The following DAB1 variants were observed in gnomAD, a reference collection of about 807,000 sequenced individuals.
The protein encoded by DAB1 is disabled homolog 1.
In DAB1, 15 loss-of-function variants were observed where a neutral mutation model predicts 64.6. The ratio of observed to expected loss-of-function variants is 0.23; its 90% CI spans 0.16 to 0.36. The LOEUF (loss-of-function observed/expected upper bound fraction) is 0.36, where lower values mean the gene tolerates loss of function less well. Ranked by LOEUF, DAB1 falls within the 10% of genes least tolerant of loss-of-function variation. The pLI is 1.00. For missense variants in DAB1, 596 were observed against 706.7 expected (o/e 0.84, Z 1.78); for synonymous variants, 235 against 251.9 (o/e 0.93, Z 0.64).
At chr1:57,407,333 C>T (rs1683722862) in intron 1 of DAB1, among the ~76,000 whole-genome samples, 1 of 152,170 alleles carries the variant, frequency 6.6e-6, no homozygotes, top group Non-Finnish European at 1.5e-5. Flanking sequence ...TTAGTTCAAG[C>T]CCCTCCTCTT....
intron 3 of DAB1, among the ~76,000 whole-genome samples, chr1:58,494,439 G>T (rs1018026348): frequency 6.6e-6 from 1 of 152,122 alleles, no homozygotes; most frequent in African/African-American, 2.4e-5. Flanking sequence ...AAACTAAAGA[G>T]CTTCTGCACA....
intron 3 of DAB1, among the ~76,000 whole-genome samples, chr1:58,481,451 A>G (rs1180693809): frequency 1.3e-5 from 2 of 152,200 alleles, no homozygotes; most frequent in African/African-American, 2.4e-5. Context: ...AGGGTAAACA[A>G]ATCTTAGAGA....
intron 4 of DAB1, among the ~76,000 whole-genome samples, chr1:57,105,410 T>C (rs1327580363): frequency 6.6e-6 from 1 of 152,110 alleles, no homozygotes; most frequent in Non-Finnish European, 1.5e-5. Context: ...TGTGTGTGTG[T>C]GTATTTTCCA....
chr1:58,137,861 T>A (rs920542291), intron 5 of DAB1, among the ~76,000 whole-genome samples: 6 of 151,940 alleles, frequency 3.9e-5, no homozygotes, highest in African/African-American at 1.5e-4. Flanking sequence ...GGGCTTGAGG[T>A]TGTCATAGGT....
chr1:57,994,213 T>C (rs1646391318), intron 5 of DAB1, among the ~76,000 whole-genome samples: 1 of 152,196 alleles, frequency 6.6e-6, no homozygotes, highest in Non-Finnish European at 1.5e-5. Flanking sequence ...TGAGTTTGTC[T>C]ATATGAGGAA....
At chr1:57,885,335 G>A (rs1324323347), upstream of DAB1, among the ~76,000 whole-genome samples, 1 of 152,202 alleles carries the variant, frequency 6.6e-6, no homozygotes, top group Non-Finnish European at 1.5e-5. Flanking sequence ...TGTGACCACA[G>A]CTATGAAGGG....
intron 9 of DAB1, among the ~76,000 whole-genome samples, chr1:57,033,069 T>A (rs1186533684): frequency 6.6e-6 from 1 of 152,138 alleles, no homozygotes; most frequent in African/African-American, 2.4e-5. Flanking sequence ...CTTTCCTCCA[T>A]CTCTAGCATC....
intron 1 of DAB1, among the ~76,000 whole-genome samples, chr1:57,350,463 T>A (rs768355048): frequency 1.6e-4 from 24 of 152,270 alleles, no homozygotes; most frequent in Admixed American, 6.5e-4. Flanking sequence ...TCATGGTAAA[T>A]GTTTAGTGAC....
intron 4 of DAB1, among the ~76,000 whole-genome samples, chr1:58,296,195 G>GAA (rs1294006778): frequency 1.5e-3 from 141 of 93,550 alleles, no homozygotes; most frequent in Middle Eastern, 4.8e-3. Flanking sequence ...GAGAAAGAAA[G>GAA]AGAAAGAAAG....
chr1:57,432,464 C>A (rs566350926), intron 7 of DAB1, among the ~76,000 whole-genome samples: 1 of 151,924 alleles, frequency 6.6e-6, no homozygotes, highest in Admixed American at 6.6e-5. Context: ...AAAAGATGGA[C>A]CAACTGGAAA....
chr1:57,949,173 TG>T (rs1312066008), intron 5 of DAB1, among the ~76,000 whole-genome samples: 3 of 150,880 alleles, frequency 2.0e-5, no homozygotes, highest in Admixed American at 6.6e-5. Flanking sequence ...TGGGGGGGGC[TG>T]GGGGGATGGT....
At chr1:58,422,602 AT>A (rs36063995) in intron 3 of DAB1, among the ~76,000 whole-genome samples, 63,444 of 128,254 alleles carry the variant, frequency 0.49, 15,011 homozygotes, top group African/African-American at 0.55. Flanking sequence ...CAGGAGGCAA[AT>A]TTTTTTTTTT....
chr1:57,392,015 T>C (rs547220924), intron 1 of DAB1, among the ~76,000 whole-genome samples: 103 of 152,292 alleles, frequency 6.8e-4, no homozygotes, highest in African/African-American at 2.2e-3. Flanking sequence ...TCAGACTCAT[T>C]CAGGTACACT....
intron 1 of DAB1, among the ~76,000 whole-genome samples, chr1:57,388,832 A>G (rs1198559313): frequency 6.6e-6 from 1 of 152,056 alleles, no homozygotes; most frequent in Non-Finnish European, 1.5e-5. Flanking sequence ...TCTCTTCTTC[A>G]CAGAATACTG....
Position 57,797,497 on chromosome 1 carries a change from T to A in DAB1, n.551+86502A>T, listed in dbSNP as rs533089155. 1.1e-4 allele frequency among the ~76,000 whole-genome samples: 16 copies of A among 152,372 alleles called. No individual in the cohort carries two copies. The South Asian group carries it at 1.2e-3, about 12-fold the overall frequency. On this transcript the variant is annotated intron_variant and non_coding_transcript_variant, in intron 6 of 20. Coordinates refer to the DAB1 transcript ENST00000485760. ...TCTTGGCTAAAAGAGATAGATGTCTTAGCCACTTAGAACACTACTCTTACC... is the reference window on the plus strand; with the variant it reads ...TCTTGGCTAAAAGAGATAGATGTCTAAGCCACTTAGAACACTACTCTTACC...
intron 4 of DAB1, among the ~76,000 whole-genome samples, chr1:58,288,714 TCTC>T (rs1395103495): frequency 3.3e-5 from 5 of 152,280 alleles, no homozygotes; most frequent in East Asian, 1.9e-4. Context: ...TTGACCCTCT[TCTC>T]CTTATATTTT....
chr1:57,187,371 C>T (rs754576479), intron 2 of DAB1, among the ~76,000 whole-genome samples: 4 of 152,148 alleles, frequency 2.6e-5, no homozygotes, highest in Admixed American at 2.0e-4. Flanking sequence ...CTCACATCAT[C>T]TATGTAACAA....
chr1:58,493,216 GCC>G (rs1190726494), intron 3 of DAB1, among the ~76,000 whole-genome samples: 2 of 152,028 alleles, frequency 1.3e-5, no homozygotes, highest in East Asian at 3.9e-4. Context: ...AAATTCAACA[GCC>G]CTTCATGCTA....
intron 1 of DAB1, among the ~76,000 whole-genome samples, chr1:57,843,596 C>A (rs1037577379): frequency 6.6e-6 from 1 of 152,130 alleles, no homozygotes; most frequent in African/African-American, 2.4e-5. Flanking sequence ...TTCCAGGAAG[C>A]CTTCCCAGAT....
Sources: allele counts gnomAD v4.1 joint callset (sites outside exome capture counted in the v4.1 genomes callset), GRCh38; gene constraint gnomAD v4.1.1; transcripts MANE v1.5; gene names NCBI Gene and HGNC (gene_info 2026-07-23, HGNC 2026-07-21).